The following EIF5B variants were observed in gnomAD, a reference collection of about 807,000 sequenced individuals.
The protein encoded by EIF5B is eukaryotic translation initiation factor 5B.
In EIF5B, 47 loss-of-function variants were observed where a neutral mutation model predicts 147.5. The ratio of observed to expected loss-of-function variants is 0.32; its 90% CI spans 0.25 to 0.41. The LOEUF (loss-of-function observed/expected upper bound fraction) is 0.41. Ranked by LOEUF, EIF5B falls within the 10% of genes least tolerant of loss-of-function variation. EIF5B has a pLI of 1.00. For synonymous variants in EIF5B, 455 were observed against 456.2 expected (o/e 1.00, Z 0.03); for missense variants, 1,064 against 1,413.2 (o/e 0.75, Z 3.96).
chr2:99,367,449 C>CT (rs1476673048), intron 6 of EIF5B, among the ~76,000 whole-genome samples: 1 of 138,120 alleles, frequency 7.2e-6, no homozygotes, highest in Non-Finnish European at 1.6e-5. Flanking sequence ...TTTTTTCTCT[C>CT]TTTTTTTGAG....
chr2:99,347,420 A>G (rs1216938318), intron 1 of EIF5B, among the ~76,000 whole-genome samples: 1 of 152,200 alleles, frequency 6.6e-6, no homozygotes, highest in African/African-American at 2.4e-5. Flanking sequence ...GGGCTTCTCA[A>G]ACTTTGTTCA....
intron 9 of EIF5B, among the ~76,000 whole-genome samples, chr2:99,375,973 A>G (rs1490080010): frequency 1.3e-5 from 2 of 152,208 alleles, no homozygotes; most frequent in African/African-American, 4.8e-5. Context: ...ATAGAATGCA[A>G]ATATTCCAAA....
intron 1 of EIF5B, among the ~76,000 whole-genome samples, chr2:99,349,460 C>G (rs919700179): frequency 6.6e-6 from 1 of 152,114 alleles, no homozygotes; most frequent in Non-Finnish European, 1.5e-5. Flanking sequence ...GTTAATTTTC[C>G]TTTTACTTTG....
At chr2:99,389,500 G>A (rs773783239) in intron 14 of EIF5B, 4 of 320,906 alleles carry the variant, frequency 1.2e-5, no homozygotes, top group Non-Finnish European at 1.7e-5. Context: ...GGAACTCATG[G>A]AGGCTGACAG....
chr2:99,389,662 A>T (rs1674883145), intron 14 of EIF5B, 56 bp from the exon 15 acceptor site: 2 of 1,517,398 alleles, frequency 1.3e-6, no homozygotes, highest in Non-Finnish European at 1.8e-6. Flanking sequence ...CTATTAATAC[A>T]GTTCTTGAAT....
Position 99,361,618 on chromosome 2 carries a change from G to C in EIF5B, c.717G>C (p.Glu239Asp). Residue 239 changes from glutamate to aspartate, a missense_variant, in exon 4 of 24, where the codon GAG (glutamate) becomes GAC (aspartate). Physicochemically the swap from Glu to Asp is conservative, Grantham distance 45. This residue lies in a region of EIF5B where 458 missense variants were observed against 451.3 expected (regional missense o/e 1.01). Transcript: ENST00000289371. ...AQKKAEKKER[E>D]RKKRDEEKAK... ...AGAAGGCAGAAAAGAAGGAGCGCGA[G>C]AGAAAAAAGCGAGATGAAGAAAAAG... 6.3e-7 allele frequency: 1 copy of C among 1,594,842 alleles called. No homozygotes were observed. The highest frequency in any genetic ancestry group is 8.5e-7 in the Non-Finnish European group (1 of 1,175,496).
chr2:99,351,048 C>T (rs1230525547), intron 1 of EIF5B, among the ~76,000 whole-genome samples: 1 of 152,124 alleles, frequency 6.6e-6, no homozygotes, highest in Non-Finnish European at 1.5e-5. Flanking sequence ...ATAAAAGGGC[C>T]AGGCATGGTG....
At chr2:99,342,489 A>G (rs2094261973) in intron 1 of EIF5B, among the ~76,000 whole-genome samples, 1 of 152,194 alleles carries the variant, frequency 6.6e-6, no homozygotes, top group South Asian at 2.1e-4. Context: ...CTATAACAGT[A>G]AAATATTATT....
At chr2:99,351,610 T>A (rs1673963440) in intron 1 of EIF5B, among the ~76,000 whole-genome samples, 1 of 152,178 alleles carries the variant, frequency 6.6e-6, no homozygotes, top group Non-Finnish European at 1.5e-5. Context: ...TTACTCCATA[T>A]CCAGTCTCAA....
Position 99,379,412 on chromosome 2 carries a change from C to G in EIF5B, c.2045C>G (p.Thr682Ser). 9 of 1,609,498 alleles carry G rather than the reference C, an allele frequency of 5.6e-6. No individual in the cohort carries two copies. Among genetic ancestry groups the G allele is most frequent in the Non-Finnish European group, 6.8e-6 (8 of 1,178,036 alleles). ...CCTCTTGAAGCTATTAATGAACAGACTAAGATGATTAAAAATGTAAGTACA... is the reference window on the plus strand; with the variant it reads ...CCTCTTGAAGCTATTAATGAACAGAGTAAGATGATTAAAAATGTAAGTACA... ...NVPLEAINEQ[T>S]KMIKNFDREN... The change falls in exon 12 of 24, where the codon ACT (threonine) becomes AGT (serine). Residue 682 changes from threonine to serine, a missense_variant. By Grantham distance (58) the Thr-to-Ser change is moderately conservative (BLOSUM62 1). Around this residue, in one of 4 missense-constraint regions of EIF5B, gnomAD observed 380 missense variants for 715.6 expected, o/e 0.53. Transcript: ENST00000289371.
chr2:99,351,917 C>G (rs1371056713), intron 1 of EIF5B, among the ~76,000 whole-genome samples: 2 of 152,020 alleles, frequency 1.3e-5, no homozygotes, highest in Non-Finnish European at 2.9e-5. Flanking sequence ...CCAGGCTGGT[C>G]TTGAACTCCT....
rs766615166 is a variant in EIF5B, at chr2:99,401,030, T to C, written c.*1616T>C. 209 of 352,466 alleles carry C rather than the reference T, an allele frequency of 5.9e-4. 1 individual carries two copies. The highest frequency in any genetic ancestry group is 8.9e-4 in the Non-Finnish European group (172 of 193,104). 21.8% of individuals were successfully genotyped at this position (352,466 alleles called of 1,614,324 possible). A position where few individuals can be genotyped will look rare whatever the true frequency, so the allele number is the denominator to read the frequency against. On this transcript the variant is annotated 3_prime_UTR_variant, in exon 24 of 24. Coordinates refer to ENST00000289371, the MANE Select transcript of EIF5B (RefSeq NM_015904.4). Reference sequence around the variant, plus strand: ...ACTTTATAAACAAACATTTTGTAAATAGAATCTATGCTACAGTAAAATAAT... The same window carrying C: ...ACTTTATAAACAAACATTTTGTAAACAGAATCTATGCTACAGTAAAATAAT...
rs1349757018 is a variant in EIF5B at position 99,369,382 on chromosome 2, C to T, written c.1388-10C>T. 6.2e-7 allele frequency: 1 copy of T among 1,601,728 alleles called. No individual in the cohort carries two copies. Among genetic ancestry groups the T allele is most frequent in the Admixed American group, 1.7e-5 (1 of 57,692 alleles). ...AAAAAATATTATCTTGGTTTCTGCC[C>T]CTTTTTCAGTGTCTGAATCAATGGA... On this transcript the variant is annotated splice_polypyrimidine_tract_variant and intron_variant, in intron 7 of 23. Coordinates refer to ENST00000289371, the MANE Select transcript of EIF5B (RefSeq NM_015904.4).
At chr2:99,389,180 T>G (rs1674871639) in intron 14 of EIF5B, among the ~76,000 whole-genome samples, 1 of 151,144 alleles carries the variant, frequency 6.6e-6, no homozygotes, top group African/African-American at 2.5e-5. Flanking sequence ...TTTGATTGTT[T>G]GTTTGGCTAG....
intron 1 of EIF5B, among the ~76,000 whole-genome samples, chr2:99,356,473 AATT>A (rs1663819973): frequency 6.6e-6 from 1 of 152,132 alleles, no homozygotes; most frequent in African/African-American, 2.4e-5. Context: ...TGACTAGTGG[AATT>A]ATTTCATACT....
chr2:99,368,357 C>G, intron 6 of EIF5B, 136 bp from the exon 7 acceptor site: 2 of 690,730 alleles, frequency 2.9e-6, no homozygotes, highest in East Asian at 2.8e-5. Flanking sequence ...GTAAAAGATA[C>G]AAGTTTTTCC....
intron 14 of EIF5B, among the ~76,000 whole-genome samples, chr2:99,385,342 G>A (rs764572003): frequency 5.9e-5 from 9 of 152,226 alleles, no homozygotes; most frequent in Non-Finnish European, 1.3e-4. Flanking sequence ...ACTGCGCCCA[G>A]CCAATGAATC....
At chr2:99,353,314 G>A (rs1273577094) in intron 1 of EIF5B, among the ~76,000 whole-genome samples, 3 of 151,240 alleles carry the variant, frequency 2.0e-5, no homozygotes, top group Non-Finnish European at 4.4e-5. Flanking sequence ...CGTCTGGCCT[G>A]CCTGGCTAAT....
At chr2:99,363,917 C>T in intron 5 of EIF5B, 55 bp downstream of exon 5, 1 of 1,521,892 alleles carries the variant, frequency 6.6e-7, no homozygotes. Flanking sequence ...AAAATCTATT[C>T]TCTGTAAAAT....
Sources: allele counts gnomAD v4.1 joint callset (sites outside exome capture counted in the v4.1 genomes callset), GRCh38; gene constraint gnomAD v4.1.1; regional missense constraint gnomAD v4.1.1; transcripts MANE v1.5; gene names NCBI Gene and HGNC (gene_info 2026-07-23, HGNC 2026-07-21).